Variants in ADIPOR2 observed in about 807,000 individuals in gnomAD.
ADIPOR2 encodes adiponectin receptor protein 2.
Under a neutral mutation model 40.9 loss-of-function variants are expected in ADIPOR2, and 18 were observed. The observed-to-expected ratio is 0.44, with a 90% CI of 0.30 to 0.65. The LOEUF (loss-of-function observed/expected upper bound fraction) is 0.65, where lower values mean the gene tolerates loss of function less well. Among genes scored for constraint, ADIPOR2 ranks in the 30% least tolerant of loss-of-function variants. ADIPOR2 has a pLI of 0.09. For synonymous variants in ADIPOR2, 165 were observed against 166.4 expected (o/e 0.99, Z 0.06); for missense variants, 283 against 479.2 (o/e 0.59, Z 3.82).
intron 1 of ADIPOR2, among the ~76,000 whole-genome samples, chr12:1,706,492 A>C (rs556112177): frequency 8.5e-5 from 13 of 152,224 alleles, no homozygotes; most frequent in African/African-American, 3.1e-4. Flanking sequence ...GGAGGCTACT[A>C]TTACTTGGCT....
At chr12:1,758,756 T>A (rs922035937) in intron 2 of ADIPOR2, among the ~76,000 whole-genome samples, 7 of 152,188 alleles carry the variant, frequency 4.6e-5, no homozygotes, top group Non-Finnish European at 7.3e-5. Flanking sequence ...TTTCTTAAAA[T>A]TTTCAGTTTT....
chr12:1,716,015 A>G (rs2094686925), intron 1 of ADIPOR2, among the ~76,000 whole-genome samples: 2 of 152,144 alleles, frequency 1.3e-5, no homozygotes, highest in South Asian at 2.1e-4. Flanking sequence ...CGCTCTTCAC[A>G]GTAAATCTTG....
intron 1 of ADIPOR2, among the ~76,000 whole-genome samples, chr12:1,720,043 C>T (rs2094694880): frequency 6.6e-6 from 1 of 152,110 alleles, no homozygotes; most frequent in Non-Finnish European, 1.5e-5. Flanking sequence ...GCCTCCCCAT[C>T]TTAAGAAGTT....
chr12:1,760,644 T>A (rs1396950045), intron 2 of ADIPOR2: 1 of 152,260 alleles, frequency 6.6e-6, no homozygotes, highest in African/African-American at 2.4e-5. Context: ...TATTGTAGTA[T>A]GTACCAGTAC....
chr12:1,743,528 G>A (rs542161153), intron 1 of ADIPOR2, among the ~76,000 whole-genome samples: 1 of 151,968 alleles, frequency 6.6e-6, no homozygotes, highest in South Asian at 2.1e-4. Context: ...AAATTAGCTG[G>A]GTGTGGTGGG....
intron 1 of ADIPOR2, among the ~76,000 whole-genome samples, chr12:1,733,629 T>G (rs918854151): frequency 6.6e-6 from 1 of 152,196 alleles, no homozygotes; most frequent in South Asian, 2.1e-4. Context: ...TTTTTTATTC[T>G]AAGTTTTAGG....
At chr12:1,694,869 C>T (rs2094634842) in intron 1 of ADIPOR2, among the ~76,000 whole-genome samples, 1 of 150,654 alleles carries the variant, frequency 6.6e-6, no homozygotes, top group Non-Finnish European at 1.5e-5. Flanking sequence ...AGAAAGTTCC[C>T]ATATTCCCTT....
In ADIPOR2 at chr12:1,717,709, G is replaced by GAA. The variant is rs35793748; in HGVS notation, c.-87+26529_-87+26530dup. 9.6e-4 allele frequency among the ~76,000 whole-genome samples: 139 copies of GAA among 145,124 alleles called. 2 individuals carry two copies. In the East Asian group the frequency reaches 0.016, roughly 17 times the overall value. On this transcript the variant is annotated intron_variant, in intron 1 of 7. Coordinates refer to ENST00000357103, the MANE Select transcript of ADIPOR2 (RefSeq NM_024551.3). ...AATGAGAATGAAATTCCATCTTAAG[G>GAA]AAAAAAAAAAAATTCAGCTTCTGAA...
chr12:1,740,079 G>A (rs1025737761), intron 1 of ADIPOR2, among the ~76,000 whole-genome samples: 1 of 152,000 alleles, frequency 6.6e-6, no homozygotes, highest in East Asian at 1.9e-4. Flanking sequence ...TCCAGCCTGG[G>A]CGACAAGAGC....
chr12:1,780,601 A>G lies in ADIPOR2; in HGVS notation c.614A>G (p.Tyr205Cys), dbSNP rs745501992. 1 of 1,607,940 alleles carries G rather than the reference A, an allele frequency of 6.2e-7. No homozygotes were observed. The highest frequency in any genetic ancestry group is 8.5e-7 in the Non-Finnish European group (1 of 1,178,288). Residue 205 changes from tyrosine to cysteine, a missense_variant, in exon 5 of 8, where the codon TAC (tyrosine) becomes TGC (cysteine). Transcript: ENST00000357103. ...LSFSWLFHTVYCHSEGVSRLF... is the reference protein window; with the variant it reads ...LSFSWLFHTVCCHSEGVSRLF... The stretch of plus-strand genomic sequence containing the variant: ...TTTTCATGGCTCTTCCACACAGTCT[A>G]CTGCCACTCAGAGGGGGTCTCTCGG...
intron 1 of ADIPOR2, chr12:1,697,389 T>G (rs1280178896): frequency 6.5e-6 from 1 of 152,738 alleles, no homozygotes; most frequent in Non-Finnish European, 1.5e-5. Flanking sequence ...TTTGTTTCTC[T>G]TCTTCATCTT....
chr12:1,752,436 T>C (rs1389171232), intron 1 of ADIPOR2, among the ~76,000 whole-genome samples: 2 of 152,042 alleles, frequency 1.3e-5, no homozygotes, highest in African/African-American at 2.4e-5. Context: ...TACAAAGCTT[T>C]ATTCTACTTG....
intron 1 of ADIPOR2, among the ~76,000 whole-genome samples, chr12:1,700,941 A>G (rs1317677802): frequency 2.6e-5 from 4 of 152,244 alleles, no homozygotes; most frequent in Admixed American, 2.0e-4. Flanking sequence ...TCAAACATAC[A>G]TGAGACTACA....
intron 6 of ADIPOR2, among the ~76,000 whole-genome samples, chr12:1,782,367 C>T (rs964648732): frequency 6.6e-6 from 1 of 152,202 alleles, no homozygotes; most frequent in African/African-American, 2.4e-5. Context: ...GTTGAGAAAG[C>T]TTACCAAATG....
chr12:1,746,458 A>T (rs2094755181), intron 1 of ADIPOR2, among the ~76,000 whole-genome samples: 1 of 152,146 alleles, frequency 6.6e-6, no homozygotes, highest in Non-Finnish European at 1.5e-5. Context: ...ATTGCACTCC[A>T]CCCTGGGCGA....
chr12:1,767,577 C>G (rs1862410263), intron 2 of ADIPOR2, among the ~76,000 whole-genome samples: 1 of 152,026 alleles, frequency 6.6e-6, no homozygotes, highest in African/African-American at 2.4e-5. Flanking sequence ...CTACACATTT[C>G]CAATTTCTAA....
chr12:1,703,636 G>A (rs541713125), intron 1 of ADIPOR2, among the ~76,000 whole-genome samples: 40 of 152,108 alleles, frequency 2.6e-4, no homozygotes, highest in African/African-American at 8.9e-4. Context: ...AGGATAGCTC[G>A]AACCTGGGAG....
At chr12:1,755,936 A>G (rs1381418394) in intron 2 of ADIPOR2, among the ~76,000 whole-genome samples, 1 of 152,184 alleles carries the variant, frequency 6.6e-6, no homozygotes, top group Non-Finnish European at 1.5e-5. Flanking sequence ...TATGAAATAC[A>G]TTTCTTACTA....
rs569084017 is a variant in ADIPOR2 at position 1,765,867 on chromosome 12, T to C, written c.172-6975T>C. ...CCATCAGCTTTTCCTTCTATTCTAA[T>C]TTTCTAATCCTAATTTCTCTTAAAT... On this transcript the variant is annotated intron_variant, in intron 2 of 7. Coordinates refer to ENST00000357103, the MANE Select transcript of ADIPOR2 (RefSeq NM_024551.3). Among the ~76,000 whole-genome samples, 133 of 152,324 alleles carry C rather than the reference T, an allele frequency of 8.7e-4. No individual in the cohort carries two copies. The Middle Eastern group carries it at 0.017, about 19-fold the overall frequency.
Sources: allele counts gnomAD v4.1 joint callset (sites outside exome capture counted in the v4.1 genomes callset), GRCh38; gene constraint gnomAD v4.1.1; transcripts MANE v1.5; gene names NCBI Gene and HGNC (gene_info 2026-07-23, HGNC 2026-07-21).